Variants in PDE4D observed in about 807,000 individuals in gnomAD.
PDE4D encodes the protein 3',5'-cyclic-AMP phosphodiesterase 4D.
In PDE4D, 24 loss-of-function variants were observed where a neutral mutation model predicts 87.4. The ratio of observed to expected loss-of-function variants is 0.27; its 90% CI spans 0.20 to 0.39. PDE4D has a LOEUF of 0.39. Among genes scored for constraint, PDE4D ranks in the 10% least tolerant of loss-of-function variants. The probability of loss-of-function intolerance (pLI) is 1.00; values close to 1 mark genes in which losing one functional copy is unlikely to be tolerated. For missense variants in PDE4D, 714 were observed against 1,041.0 expected (o/e 0.69, Z 4.32); for synonymous variants, 384 against 383.2 (o/e 1.00, Z -0.02).
chr5:59,535,717 T>C (rs111817373), intron 1 of PDE4D, among the ~76,000 whole-genome samples: 1 of 152,204 alleles, frequency 6.6e-6, no homozygotes, highest in Non-Finnish European at 1.5e-5. Flanking sequence ...CTGCCACAAC[T>C]TATAATAAAT....
At chr5:59,300,702 A>G (rs255633) in intron 1 of PDE4D, among the ~76,000 whole-genome samples, 100,632 of 151,738 alleles carry the variant, frequency 0.66, 34,519 homozygotes, top group African/African-American at 0.83. Flanking sequence ...CCAAGCAGCC[A>G]ACACTAGCTG....
intron 2 of PDE4D, among the ~76,000 whole-genome samples, chr5:59,204,954 C>T (rs1214367585): frequency 6.6e-6 from 1 of 152,216 alleles, no homozygotes; most frequent in Non-Finnish European, 1.5e-5. Context: ...TACTAGGCAC[C>T]AGACACGGTG....
At chr5:59,658,872 T>G (rs1441974985) in intron 1 of PDE4D, among the ~76,000 whole-genome samples, 1 of 152,060 alleles carries the variant, frequency 6.6e-6, no homozygotes, top group Non-Finnish European at 1.5e-5. Flanking sequence ...AGCAGGTGGC[T>G]CACATCTGTA....
At chr5:59,994,548 G>A (rs967878940) in intron 2 of PDE4D, among the ~76,000 whole-genome samples, 2 of 152,042 alleles carry the variant, frequency 1.3e-5, no homozygotes, top group Non-Finnish European at 1.5e-5. Flanking sequence ...ATGTGTATGG[G>A]TCTGTGTATG....
intron 1 of PDE4D, among the ~76,000 whole-genome samples, chr5:59,508,388 G>A (rs73097379): frequency 6.6e-5 from 10 of 152,196 alleles, no homozygotes; most frequent in South Asian, 2.1e-4. Context: ...GGATATTTGC[G>A]TGGCCCAAAA....
At chr5:59,032,664 T>C (rs1384862484) in intron 6 of PDE4D, among the ~76,000 whole-genome samples, 4 of 152,250 alleles carry the variant, frequency 2.6e-5, no homozygotes, top group Non-Finnish European at 5.9e-5. Flanking sequence ...AGAAATATTA[T>C]GTTTTTACAT....
In PDE4D at chr5:58,990,839, G is replaced by A. The variant is rs750666346; in HGVS notation, c.1252C>T (p.Arg418Trp). The part of the protein sequence containing the change: ...VFRIAELSGN[R>W]PLTVIMHTIF... ...GTGTGCATGATAACAGTCAAGGGCCGGTTACCAGACAACTCTGCTATTCTG... is the reference window on the plus strand; with the variant it reads ...GTGTGCATGATAACAGTCAAGGGCCAGTTACCAGACAACTCTGCTATTCTG... The change falls in exon 9 of 15, where the codon CGG (arginine) becomes TGG (tryptophan). Residue 418 changes from arginine to tryptophan, a missense_variant. Arg to Trp is a moderately radical substitution (Grantham distance 101). This residue lies in a region of PDE4D where 141 missense variants were observed against 204.3 expected (regional missense o/e 0.69). Coordinates refer to ENST00000340635, the MANE Select transcript of PDE4D (RefSeq NM_001104631.2). The A allele has an allele frequency of 6.9e-6, 11 of 1,604,074 alleles. No homozygotes were observed. Among genetic ancestry groups the A allele is most frequent in the African/African-American group, 1.3e-5 (1 of 74,592 alleles).
rs528941655 is a variant in PDE4D at position 59,033,993 on chromosome 5, G to A, written c.921+4866C>T. Among the ~76,000 whole-genome samples, 21 of 152,212 alleles carry A rather than the reference G, an allele frequency of 1.4e-4. No individual in the cohort carries two copies. The South Asian group carries it at 3.9e-3, about 29-fold the overall frequency. On this transcript the variant is annotated intron_variant, in intron 6 of 14. Coordinates refer to ENST00000340635, the MANE Select transcript of PDE4D (RefSeq NM_001104631.2). ...AAGTTAAGATTTGTTTTAATCCTAAGTTTTATGCTAAGGTAACATCAAGGG... is the reference window on the plus strand; with the variant it reads ...AAGTTAAGATTTGTTTTAATCCTAAATTTTATGCTAAGGTAACATCAAGGG...
At chr5:59,331,128 C>G (rs1468953900) in intron 1 of PDE4D, among the ~76,000 whole-genome samples, 2 of 152,108 alleles carry the variant, frequency 1.3e-5, no homozygotes, top group Admixed American at 6.5e-5. Flanking sequence ...TTTCTATTTT[C>G]CCCTCCATGA....
rs75403668 is a variant in PDE4D, at chr5:60,397,006, T to A, written c.-90+90936A>T. ...AAAAGAAATTCTTCACGTGGTCCAA[T>A]GCAAATTTTTAGGATCCCACATTTA... On this transcript the variant is annotated intron_variant, in intron 1 of 16. Coordinates refer to the PDE4D transcript ENST00000502484. Among the ~76,000 whole-genome samples, 990 of 152,324 alleles carry A rather than the reference T, an allele frequency of 6.5e-3. 13 individuals carry two copies. Among genetic ancestry groups the A allele is most frequent in the African/African-American group, 0.021 (877 of 41,570 alleles).
At chr5:60,151,722 A>G (rs1197775968) in intron 2 of PDE4D, among the ~76,000 whole-genome samples, 1 of 152,138 alleles carries the variant, frequency 6.6e-6, no homozygotes, top group Non-Finnish European at 1.5e-5. Flanking sequence ...TCTGATTTGG[A>G]TGCCTTTGCT....
chr5:60,295,802 T>C (rs1036771167), intron 1 of PDE4D, among the ~76,000 whole-genome samples: 2 of 152,212 alleles, frequency 1.3e-5, no homozygotes. Context: ...ACTTGCTTGG[T>C]TCACCTATGT....
intron 1 of PDE4D, among the ~76,000 whole-genome samples, chr5:59,542,013 G>A (rs1050914209): frequency 6.6e-6 from 1 of 151,930 alleles, no homozygotes; most frequent in African/African-American, 2.4e-5. Context: ...ACAATGTTTT[G>A]TTGCCCCTTC....
intron 5 of PDE4D, among the ~76,000 whole-genome samples, chr5:59,160,056 T>C (rs1780820996): frequency 6.6e-6 from 1 of 152,222 alleles, no homozygotes; most frequent in Non-Finnish European, 1.5e-5. Flanking sequence ...TTTAATTACA[T>C]TCAGTGTACA....
At chr5:59,208,584 T>C (rs1749356742) in intron 2 of PDE4D, among the ~76,000 whole-genome samples, 1 of 152,174 alleles carries the variant, frequency 6.6e-6, no homozygotes, top group Admixed American at 6.5e-5. Context: ...TTAAAAACAT[T>C]ACCATTTAAA....
rs3062590 is a variant in PDE4D, at chr5:59,756,509, T to TACACACACAC, written c.455+136649_455+136658dup. Among the ~76,000 whole-genome samples the TACACACACAC allele has an allele frequency of 4.0e-3, 585 of 145,004 alleles. 8 individuals carry two copies. Among genetic ancestry groups the TACACACACAC allele is most frequent in the East Asian group, 0.019 (95 of 4,996 alleles). ...TCTATGTGCATGTAAACCCAAAACATACACACACACACACACACACACACA... is the reference window on the plus strand; with the variant it reads ...TCTATGTGCATGTAAACCCAAAACATACACACACACACACACACACACACACACACACACA... On this transcript the variant is annotated intron_variant, in intron 1 of 14. Coordinates refer to ENST00000340635, the MANE Select transcript of PDE4D (RefSeq NM_001104631.2).
chr5:60,256,943 C>G (rs953480595), intron 1 of PDE4D, among the ~76,000 whole-genome samples: 1 of 151,686 alleles, frequency 6.6e-6, no homozygotes, highest in African/African-American at 2.4e-5. Flanking sequence ...ACACATGCAC[C>G]CACATGGTAA....
chr5:60,478,445 A>T (rs1160275940), intron 1 of PDE4D, among the ~76,000 whole-genome samples: 2 of 152,152 alleles, frequency 1.3e-5, no homozygotes, highest in Admixed American at 1.3e-4. Flanking sequence ...TAGCCTCATC[A>T]CAGGGGACTT....
chr5:60,186,997 G>A (rs757095414), intron 1 of PDE4D, among the ~76,000 whole-genome samples: 2 of 152,084 alleles, frequency 1.3e-5, no homozygotes, highest in Admixed American at 6.6e-5. Flanking sequence ...AAGAGGTCCC[G>A]TAACAGCAAA....
Sources: gnomAD v4.1 joint callset for allele counts (sites outside exome capture counted in the v4.1 genomes callset) on GRCh38, gnomAD v4.1.1 for gene constraint, gnomAD v4.1.1 regional missense constraint, MANE v1.5 for transcripts, NCBI Gene and HGNC (gene_info 2026-07-23, HGNC 2026-07-21) for gene names.